The following INPP4B variants were observed in gnomAD, a reference collection of about 807,000 sequenced individuals.
INPP4B encodes inositol polyphosphate 4-phosphatase type II.
In INPP4B, 55 loss-of-function variants were observed where a neutral mutation model predicts 122.5. The ratio of observed to expected loss-of-function variants is 0.45; its 90% CI spans 0.36 to 0.56. The LOEUF (loss-of-function observed/expected upper bound fraction) is 0.56. INPP4B is among the 20% of genes least tolerant of loss of function. The pLI, the probability that INPP4B is intolerant of heterozygous loss-of-function variation, is 0.00. For missense variants in INPP4B, 1,000 were observed against 1,097.7 expected (o/e 0.91, Z 1.26); for synonymous variants, 403 against 388.7 (o/e 1.04, Z -0.43).
chr4:142,188,380 G>A (rs528592633), intron 15 of INPP4B, among the ~76,000 whole-genome samples: 14 of 149,124 alleles, frequency 9.4e-5, no homozygotes, highest in Admixed American at 6.8e-4. Context: ...CCAGCTACTC[G>A]GGAGGCTGAG....
chr4:142,141,268 G>A (rs1409513445), intron 18 of INPP4B, among the ~76,000 whole-genome samples: 1 of 152,126 alleles, frequency 6.6e-6, no homozygotes, highest in Non-Finnish European at 1.5e-5. Context: ...GTGCCTCATA[G>A]GCTAGTTGAA....
At chr4:142,135,608 A>C (rs1352723758) in intron 18 of INPP4B, among the ~76,000 whole-genome samples, 1 of 152,138 alleles carries the variant, frequency 6.6e-6, no homozygotes, top group Admixed American at 6.5e-5. Context: ...ATTACTTCAT[A>C]TGATGCCTAT....
chr4:142,712,574 C>G (rs1389850027), intron 2 of INPP4B, among the ~76,000 whole-genome samples: 1 of 152,120 alleles, frequency 6.6e-6, no homozygotes, highest in African/African-American at 2.4e-5. Context: ...CAATAGCCCA[C>G]CATTGTATAT....
At chr4:142,722,609 CTTCTT>C (rs1764830775) in intron 2 of INPP4B, among the ~76,000 whole-genome samples, 1 of 152,108 alleles carries the variant, frequency 6.6e-6, no homozygotes, top group South Asian at 2.1e-4. Context: ...ACCATAACAG[CTTCTT>C]TTCATGTAAA....
chr4:142,547,831 G>A (rs993577762), intron 2 of INPP4B, among the ~76,000 whole-genome samples: 2 of 152,116 alleles, frequency 1.3e-5, no homozygotes, highest in African/African-American at 2.4e-5. Context: ...AGAACCTCAT[G>A]TATTATACCT....
chr4:142,759,851 A>T (rs1053425046), intron 1 of INPP4B, among the ~76,000 whole-genome samples: 2 of 150,784 alleles, frequency 1.3e-5, no homozygotes, highest in Non-Finnish European at 3.0e-5. Flanking sequence ...AAAAAAAAAA[A>T]AATTTAATTG....
chr4:142,497,187 C>T (rs923271082), intron 2 of INPP4B, among the ~76,000 whole-genome samples: 1 of 152,040 alleles, frequency 6.6e-6, no homozygotes, highest in Non-Finnish European at 1.5e-5. Context: ...TTTTACCTGA[C>T]ACTTTATTAG....
chr4:142,244,467 T>C (rs1412037507), intron 11 of INPP4B, among the ~76,000 whole-genome samples: 1 of 151,472 alleles, frequency 6.6e-6, no homozygotes, highest in African/African-American at 2.4e-5. Context: ...GCCCGGCTAA[T>C]TATATTTTTG....
chr4:142,458,406 G>A (rs1313570554), intron 3 of INPP4B, among the ~76,000 whole-genome samples: 2 of 151,680 alleles, frequency 1.3e-5, no homozygotes, highest in African/African-American at 4.8e-5. Context: ...TATGCCAAAA[G>A]GTGAAAAATT....
intron 2 of INPP4B, among the ~76,000 whole-genome samples, chr4:142,512,902 G>A (rs945053761): frequency 6.6e-6 from 1 of 151,892 alleles, no homozygotes; most frequent in Non-Finnish European, 1.5e-5. Context: ...CCACCACCAC[G>A]GTAACTATAT....
At chr4:142,375,263 C>T (rs1470054064) in intron 7 of INPP4B, among the ~76,000 whole-genome samples, 1 of 151,798 alleles carries the variant, frequency 6.6e-6, no homozygotes, top group African/African-American at 2.4e-5. Flanking sequence ...GGACACTGCA[C>T]TACTTGCTTC....
At chr4:142,826,683 T>C (rs1781505291) in intron 1 of INPP4B, among the ~76,000 whole-genome samples, 1 of 152,136 alleles carries the variant, frequency 6.6e-6, no homozygotes, top group Non-Finnish European at 1.5e-5. Context: ...AACTGCTGTT[T>C]CTCTGTGGAA....
chr4:142,764,282 G>A (rs1037174459), intron 1 of INPP4B, among the ~76,000 whole-genome samples: 1 of 152,018 alleles, frequency 6.6e-6, no homozygotes, highest in Non-Finnish European at 1.5e-5. Flanking sequence ...AAACTCTTAG[G>A]TTCATTTCTT....
intron 25 of INPP4B, among the ~76,000 whole-genome samples, chr4:142,045,865 T>A (rs1434824169): frequency 6.6e-6 from 1 of 152,092 alleles, no homozygotes; most frequent in Non-Finnish European, 1.5e-5. Flanking sequence ...TATATTCTAG[T>A]CAAAAAGGCA....
In INPP4B at chr4:142,260,577, G is replaced by GT. The variant is rs1285791914; in HGVS notation, c.616-14dup. ...ATACCAGGGCACACTAGGAAAAAAT[G>GT]TAAAAAAAAAAAAAAAATTTTGAGA... On this transcript the variant is annotated splice_polypyrimidine_tract_variant and intron_variant, in intron 10 of 25. Transcript: ENST00000262992. 3.3e-6 allele frequency: 4 copies of GT among 1,228,868 alleles called. No homozygotes were observed. The East Asian group carries it at 7.9e-5, about 24-fold the overall frequency. 76.1% of individuals were successfully genotyped at this position (1,228,868 alleles called of 1,614,324 possible).
intron 2 of INPP4B, among the ~76,000 whole-genome samples, chr4:142,714,285 A>C (rs1021233633): frequency 6.6e-6 from 1 of 152,162 alleles, no homozygotes; most frequent in Non-Finnish European, 1.5e-5. Context: ...AGAGATCAAA[A>C]TTGGTGCCAC....
chr4:142,192,047 T>C (rs554305728), intron 15 of INPP4B, among the ~76,000 whole-genome samples: 2 of 152,000 alleles, frequency 1.3e-5, no homozygotes, highest in East Asian at 3.9e-4. Context: ...ATTTTCTGGT[T>C]TTGGCACTCA....
At chr4:142,353,251 T>C (rs1782481917) in intron 7 of INPP4B, among the ~76,000 whole-genome samples, 1 of 151,990 alleles carries the variant, frequency 6.6e-6, no homozygotes, top group Admixed American at 6.6e-5. Context: ...GTTTCAAGAC[T>C]TTGAAAACAG....
At chr4:142,710,034 C>T (rs1762921484) in intron 2 of INPP4B, among the ~76,000 whole-genome samples, 2 of 152,182 alleles carry the variant, frequency 1.3e-5, no homozygotes, top group South Asian at 2.1e-4. Context: ...ATATGCCAAG[C>T]ACTGCTCAAG....
Sources: gnomAD v4.1 joint callset for allele counts (sites outside exome capture counted in the v4.1 genomes callset) on GRCh38, gnomAD v4.1.1 for gene constraint, MANE v1.5 for transcripts, NCBI Gene and HGNC (gene_info 2026-07-23, HGNC 2026-07-21) for gene names.